The following PDIA4 variants were observed in gnomAD, a reference collection of about 807,000 sequenced individuals.
PDIA4 encodes the protein protein disulfide isomerase family A member 4.
A neutral mutation model predicts 62.1 loss-of-function variants in PDIA4; 33 were observed. The observed-to-expected ratio is 0.53, with a 90% CI of 0.40 to 0.71. The LOEUF (loss-of-function observed/expected upper bound fraction) is 0.71. Ranked by LOEUF, PDIA4 falls within the 30% of genes least tolerant of loss-of-function variation. The pLI is 0.00. For synonymous variants in PDIA4, 341 were observed against 324.1 expected (o/e 1.05, Z -0.56); for missense variants, 804 against 813.6 (o/e 0.99, Z 0.14).
intron 7 of PDIA4, 30 bp downstream of exon 7, chr7:149,008,129 A>G (rs2306172): frequency 0.98 from 1,574,153 of 1,606,340 alleles, 773,628 homozygotes; most frequent in Non-Finnish European, 1. Context: ...CGGGGTGTCC[A>G]GGGCTGGCAT....
At chr7:149,011,746 C>T in intron 6 of PDIA4, 100 bp downstream of exon 6, 1 of 964,454 alleles carries the variant, frequency 1.0e-6, no homozygotes, top group African/African-American at 1.6e-5. Flanking sequence ...CTCATCAAAC[C>T]ACCCCCTAAT....
intron 3 of PDIA4, among the ~76,000 whole-genome samples, chr7:149,018,724 G>A (rs893091669): frequency 6.6e-6 from 1 of 152,020 alleles, no homozygotes; most frequent in Non-Finnish European, 1.5e-5. Flanking sequence ...GAGCCACCAT[G>A]TCTGGCCCAT....
intron 2 of PDIA4, among the ~76,000 whole-genome samples, chr7:149,019,875 C>G (rs1824281828): frequency 6.6e-6 from 1 of 151,978 alleles, no homozygotes; most frequent in Admixed American, 6.6e-5. Context: ...TAAACATGAC[C>G]CATATAAAAA....
rs759368400 is a variant in PDIA4 at position 149,004,025 on chromosome 7, G to A, written c.1707C>T (p.Ala569=). 6 of 1,614,178 alleles carry A rather than the reference G, an allele frequency of 3.7e-6. No homozygotes were observed. Among genetic ancestry groups the A allele is most frequent in the Admixed American group, 1.7e-5 (1 of 60,018 alleles). The change falls in exon 10 of 10, where the codon GCC becomes GCT. Residue 569 remains alanine (A), a synonymous_variant. Coordinates refer to ENST00000652332, the MANE Select transcript of PDIA4 (RefSeq NM_004911.5). ...KQLEPVYNSL[A]KKYKGQKGLV... ...GGCCCTTTTGGCCCTTGTACTTCTT[G>A]GCCAGGCTGTTGTACACGGGCTCTA...
Position 149,028,428 on chromosome 7 carries a change from G to T in PDIA4, c.-20C>A. On this transcript the variant is annotated 5_prime_UTR_variant, in exon 1 of 10. Coordinates refer to ENST00000652332, the MANE Select transcript of PDIA4 (RefSeq NM_004911.5). The stretch of plus-strand genomic sequence containing the variant: ...CCTCATGGTAGCGGGGGCGGAGCGC[G>T]GCCTCCTAGCGTCGGCGGCCGCTGA... 2.7e-6 allele frequency: 4 copies of T among 1,464,764 alleles called. No individual in the cohort carries two copies. Among genetic ancestry groups the T allele is most frequent in the Non-Finnish European group, 3.6e-6 (4 of 1,104,540 alleles). 90.7% of individuals were successfully genotyped at this position (1,464,764 alleles called of 1,614,324 possible).
chr7:149,020,696 C>T (rs530616463), intron 2 of PDIA4, among the ~76,000 whole-genome samples: 7 of 152,260 alleles, frequency 4.6e-5, no homozygotes, highest in South Asian at 2.1e-4. Context: ...GTTAAATGCC[C>T]GTCCCCCAGC....
At chr7:149,017,820 T>C (rs994348896) in intron 3 of PDIA4, among the ~76,000 whole-genome samples, 6 of 152,250 alleles carry the variant, frequency 3.9e-5, no homozygotes, top group Admixed American at 2.0e-4. Context: ...TCAGGCCAGA[T>C]TGCAGACATC....
At chr7:149,011,697 A>C (rs1248044916) in intron 6 of PDIA4, 149 bp downstream of exon 6, 2 of 621,140 alleles carry the variant, frequency 3.2e-6, no homozygotes, top group Non-Finnish European at 5.2e-6. Flanking sequence ...CCCAGCCCCA[A>C]CTCCAACCCC....
chr7:149,026,614 G>A (rs1824568344), intron 1 of PDIA4, among the ~76,000 whole-genome samples: 1 of 151,756 alleles, frequency 6.6e-6, no homozygotes, highest in Non-Finnish European at 1.5e-5. Flanking sequence ...TCGCGTCACT[G>A]CACTCCAGCC....
intron 1 of PDIA4, 43 bp downstream of exon 1, chr7:149,028,278 C>T: frequency 2.1e-6 from 3 of 1,414,646 alleles, no homozygotes; most frequent in Non-Finnish European, 2.9e-6. Context: ...AGCTCTGCAG[C>T]CCCCGCAAGC....
At chr7:149,024,213 C>T (rs1824456807) in intron 1 of PDIA4, among the ~76,000 whole-genome samples, 2 of 152,276 alleles carry the variant, frequency 1.3e-5, no homozygotes, top group East Asian at 1.9e-4. Flanking sequence ...CACCATTGCA[C>T]CCCAGCCTGC....
chr7:149,022,095 T>C (rs1007935172), intron 1 of PDIA4, among the ~76,000 whole-genome samples: 4 of 152,248 alleles, frequency 2.6e-5, no homozygotes, highest in Admixed American at 2.6e-4. Flanking sequence ...TACTCAATCT[T>C]TTCACTGCAG....
At position 149,015,006 on chromosome 7, in the gene PDIA4, T is replaced by C. The variant is rs942616841; in HGVS notation, c.512A>G (p.Asp171Gly). 2 of 1,614,206 alleles carry C rather than the reference T, an allele frequency of 1.2e-6. No individual in the cohort carries two copies. The highest frequency in any genetic ancestry group is 1.6e-4 in the Middle Eastern group (1 of 6,062). ...VAKVREVSQP[D>G]WTPPPEVTLV... is the part of the protein sequence containing the mutation. Reference sequence around the variant, plus strand: ...CGTGACTTCTGGTGGAGGCGTCCAGTCGGGCTGGGAGACTTCTCTGACCTT... The same window carrying C: ...CGTGACTTCTGGTGGAGGCGTCCAGCCGGGCTGGGAGACTTCTCTGACCTT... The change falls in exon 4 of 10, where the codon GAC becomes GGC. Residue 171 changes from aspartate (D) to glycine (G), a missense_variant. Asp to Gly is a moderately conservative substitution (Grantham distance 94). Transcript: ENST00000652332.
intron 6 of PDIA4, among the ~76,000 whole-genome samples, chr7:149,011,520 T>C (rs1823942835): frequency 6.6e-6 from 1 of 152,194 alleles, no homozygotes; most frequent in Admixed American, 6.5e-5. Context: ...TGATAATAAC[T>C]GGAAGAGCCA....
intron 5 of PDIA4, 65 bp from the exon 6 acceptor site, chr7:149,012,069 T>A: frequency 6.2e-7 from 1 of 1,606,004 alleles, no homozygotes; most frequent in East Asian, 2.2e-5. Context: ...GGCCCATGCC[T>A]GCCAGCCCCC....
rs1823885072 is a variant in PDIA4, at chr7:149,009,834, C to T, written c.980-1524G>A. Among the ~76,000 whole-genome samples the T allele has an allele frequency of 2.0e-5, 3 of 152,210 alleles. No individual in the cohort carries two copies. In the South Asian group the frequency reaches 6.2e-4, roughly 32 times the overall value. ...TGTGGGCCACAGTGTCAACCCCTAC[C>T]CTAGATTCTACAGGTAAATGCACCT... On this transcript the variant is annotated intron_variant, in intron 6 of 9. Coordinates refer to ENST00000652332, the MANE Select transcript of PDIA4 (RefSeq NM_004911.5).
At chr7:149,013,422 A>G (rs1454217963) in intron 4 of PDIA4, among the ~76,000 whole-genome samples, 1 of 152,148 alleles carries the variant, frequency 6.6e-6, no homozygotes, top group East Asian at 1.9e-4. Flanking sequence ...CATTCCTGTA[A>G]TATCAGTGCT....
In PDIA4 at chr7:149,028,415, G is replaced by C. The variant is rs752439796; in HGVS notation, c.-7C>G. On this transcript the variant is annotated 5_prime_UTR_variant, in exon 1 of 10. Transcript: ENST00000652332. ...AGGCTTTCCGGGGCCTCATGGTAGC[G>C]GGGGCGGAGCGCGGCCTCCTAGCGT... 20 of 1,492,116 alleles carry C rather than the reference G, an allele frequency of 1.3e-5. No individual in the cohort carries two copies. The highest frequency in any genetic ancestry group is 1.7e-5 in the Non-Finnish European group (19 of 1,120,416). 92.4% of individuals were successfully genotyped at this position (1,492,116 alleles called of 1,614,324 possible).
chr7:149,007,626 T>C (rs1357048953), intron 7 of PDIA4, among the ~76,000 whole-genome samples: 1 of 152,198 alleles, frequency 6.6e-6, no homozygotes, highest in Admixed American at 6.5e-5. Flanking sequence ...ACTGCCCCTC[T>C]AGGGCTGAGT....
Sources: allele counts gnomAD v4.1 joint callset (sites outside exome capture counted in the v4.1 genomes callset), GRCh38; gene constraint gnomAD v4.1.1; transcripts MANE v1.5; gene names NCBI Gene and HGNC (gene_info 2026-07-23, HGNC 2026-07-21).